Variants in ZFP37 observed in about 807,000 individuals in gnomAD.
The protein encoded by ZFP37 is ZFP37 zinc finger protein.
ZFP37 carries 38 observed loss-of-function variants against 52.1 expected under a neutral mutation model. That is an observed-to-expected ratio of 0.73 (90% CI 0.56 to 0.96). The LOEUF is 0.96. Among genes scored for constraint, ZFP37 ranks in the 40% least tolerant of loss-of-function variants. ZFP37 has a pLI of 0.00. For synonymous variants in ZFP37, 253 were observed against 259.5 expected (o/e 0.98, Z 0.24); for missense variants, 695 against 741.4 (o/e 0.94, Z 0.73).
At chr9:113,049,254 C>T in intron 3 of ZFP37, 108 bp downstream of exon 3, 2 of 1,236,900 alleles carry the variant, frequency 1.6e-6, no homozygotes, top group African/African-American at 1.5e-5. Context: ...CTCAGGAAAT[C>T]CTGATTTTTT....
chr9:113,055,604 C>A (rs375240014), intron 1 of ZFP37, among the ~76,000 whole-genome samples: 7 of 152,158 alleles, frequency 4.6e-5, no homozygotes, highest in African/African-American at 1.7e-4. Flanking sequence ...ACTGTTCCTG[C>A]AAGTTTTCAA....
rs1190051522 is a variant in ZFP37 at position 113,044,029 on chromosome 9, A to G, written c.589T>C (p.Cys197Arg). Reference sequence around the variant, plus strand: ...GCTGCATCAGATTTCCTTTTTACACAGTTTCTTGAGTGATCAGGTAAATCT... The same window carrying G: ...GCTGCATCAGATTTCCTTTTTACACGGTTTCTTGAGTGATCAGGTAAATCT... ...NLDLPDHSRN[C>R]VKRKSDAAKE... The change falls in exon 4 of 4, where the codon TGT becomes CGT. Residue 197 changes from cysteine to arginine, a missense_variant. Cys to Arg is a radical substitution (Grantham distance 180). Transcript: ENST00000374227. 1.2e-6 allele frequency: 2 copies of G among 1,613,248 alleles called. No homozygotes were observed. The highest frequency in any genetic ancestry group is 2.2e-5 in the South Asian group (2 of 90,774).
chr9:113,050,454 G>T (rs945080820), intron 1 of ZFP37, among the ~76,000 whole-genome samples: 1 of 106,382 alleles, frequency 9.4e-6, no homozygotes, highest in Non-Finnish European at 1.8e-5. Flanking sequence ...ATATCGGAGA[G>T]AAAGACAAAT....
rs372128707 is a variant in ZFP37 at position 113,043,095 on chromosome 9, A to T, written c.1523T>A (p.Met508Lys). 1.2e-6 allele frequency: 2 copies of T among 1,613,622 alleles called. No individual in the cohort carries two copies. Among genetic ancestry groups the T allele is most frequent in the Middle Eastern group, 1.7e-4 (1 of 6,058 alleles). ...FGHSSSLTYH[M>K]RTHTGESPFE... ...GGGACTTTCACCTGTATGAGTTCTC[A>T]TATGGTAAGTAAGAGATGAGCTATG... Residue 508 changes from methionine (M) to lysine (K), a missense_variant, in exon 4 of 4, where the codon ATG (methionine) becomes AAG (lysine). Met to Lys is a moderately conservative substitution (Grantham distance 95). Coordinates refer to ENST00000374227, the MANE Select transcript of ZFP37 (RefSeq NM_003408.3).
At chr9:113,049,702 C>G (rs563944557) in intron 2 of ZFP37, 89 bp downstream of exon 2, 6 of 1,534,984 alleles carry the variant, frequency 3.9e-6, no homozygotes, top group Non-Finnish European at 5.3e-6. Flanking sequence ...GCCCTTTGAC[C>G]CACAAAAATG....
At position 113,047,597 on chromosome 9, in the gene ZFP37, A is replaced by AG. The variant is rs145276485; in HGVS notation, c.349+1764dup. Among the ~76,000 whole-genome samples, 895 of 152,272 alleles carry AG rather than the reference A, an allele frequency of 5.9e-3. 14 individuals carry two copies. Among genetic ancestry groups the AG allele is most frequent in the African/African-American group, 0.021 (871 of 41,542 alleles). On this transcript the variant is annotated intron_variant, in intron 3 of 3. Transcript: ENST00000374227. ...AGACCCTGTCTCTATGAAAAAAAAGAGAAAAAATTAGGGAAAAAAATGGAT... is the reference window on the plus strand; with the variant it reads ...AGACCCTGTCTCTATGAAAAAAAAGAGGAAAAAATTAGGGAAAAAAATGGAT...
chr9:113,056,561 G>T lies in ZFP37; in HGVS notation c.128C>A (p.Ala43Asp). The change falls in exon 1 of 4, where the codon GCC becomes GAC. Residue 43 changes from alanine to aspartate, a missense_variant. Coordinates refer to ENST00000374227, the MANE Select transcript of ZFP37 (RefSeq NM_003408.3). ...CTGTCTCATCACAGCTCTCACCGCGGCGCTGGCCTCGGGCTCGGACACAGC... is the reference window on the plus strand; with the variant it reads ...CTGTCTCATCACAGCTCTCACCGCGTCGCTGGCCTCGGGCTCGGACACAGC... ...EMAVSEPEAS[A>D]AEWKQLDPAQ... 1.2e-6 allele frequency: 2 copies of T among 1,613,454 alleles called. No homozygotes were observed. Among genetic ancestry groups the T allele is most frequent in the Non-Finnish European group, 1.7e-6 (2 of 1,179,922 alleles).
intron 3 of ZFP37, among the ~76,000 whole-genome samples, chr9:113,045,480 G>A (rs1215061872): frequency 6.6e-6 from 1 of 152,044 alleles, no homozygotes; most frequent in East Asian, 1.9e-4. Flanking sequence ...TTCTTTTCAG[G>A]TCTTTCTAAT....
chr9:113,043,434 T>A lies in ZFP37; in HGVS notation c.1184A>T (p.His395Leu), dbSNP rs766846414. ...TFRHSSNLIQ[H>L]VRSHTGEKPY... is the part of the protein sequence containing the mutation. ...CTTCTCACCTGTGTGAGATCTCACA[T>A]GTTGAATAAGGTTTGAGCTGTGTCT... The change falls in exon 4 of 4, where the codon CAT becomes CTT. Residue 395 changes from histidine (H) to leucine (L), a missense_variant. His to Leu is a moderately conservative substitution (Grantham distance 99). Around this residue, in one of 2 missense-constraint regions of ZFP37, gnomAD observed 326 missense variants for 400.5 expected, o/e 0.81. Coordinates refer to ENST00000374227, the MANE Select transcript of ZFP37 (RefSeq NM_003408.3). 1 of 1,614,126 alleles carries A rather than the reference T, an allele frequency of 6.2e-7. No homozygotes were observed. The highest frequency in any genetic ancestry group is 8.5e-7 in the Non-Finnish European group (1 of 1,179,972).
In ZFP37 at chr9:113,043,802, C is replaced by T. The variant is rs779100806; in HGVS notation, c.816G>A (p.Glu272=). The T allele has an allele frequency of 2.5e-6, 4 of 1,613,992 alleles. 1 individual carries two copies. The South Asian group carries it at 3.3e-5, about 13-fold the overall frequency. Reference sequence around the variant, plus strand: ...TAGATGAGCTAAGGCTGGGTGATTTCTCATGTTTCTCTCCAGTTTGAATTT... The same window carrying T: ...TAGATGAGCTAAGGCTGGGTGATTTTTCATGTTTCTCTCCAGTTTGAATTT... ...QDKIQTGEKH[E]KSPSLSSSTK... The change falls in exon 4 of 4, where the codon GAG becomes GAA. Residue 272 remains glutamate (E), a synonymous_variant. Transcript: ENST00000374227.
chr9:113,047,004 G>A (rs1828969184), intron 3 of ZFP37, among the ~76,000 whole-genome samples: 5 of 151,956 alleles, frequency 3.3e-5, no homozygotes, highest in African/African-American at 1.2e-4. Flanking sequence ...AGCTACTTGG[G>A]AGGCTGAGGC....
rs1473495619 is a variant in ZFP37 at position 113,049,495 on chromosome 9, C to A, written c.216G>T (p.Gly72=). The change falls in exon 3 of 4, where the codon GGG becomes GGT. Residue 72 remains glycine (G), a splice_region_variant and synonymous_variant. Transcript: ENST00000374227. ...TCATGTCTGGTTTGGGAGCTTGACA[C>A]CCTGCTCATGAGAAATAGCAGAAAC... is the stretch of plus-strand genomic sequence containing the variant. ...LENYCNQASM[G]CQAPKPDMIS... 2.5e-6 allele frequency: 4 copies of A among 1,611,816 alleles called. No individual in the cohort carries two copies. The highest frequency in any genetic ancestry group is 3.4e-6 in the Non-Finnish European group (4 of 1,178,734).
rs879197086 is a variant in ZFP37 at position 113,043,412 on chromosome 9, C to T, written c.1206G>A (p.Glu402=). Residue 402 remains glutamate, a synonymous_variant, in exon 4 of 4, where the codon GAG becomes GAA. Coordinates refer to ENST00000374227, the MANE Select transcript of ZFP37 (RefSeq NM_003408.3). ...LIQHVRSHTG[E]KPYECKECGK... Reference sequence around the variant, plus strand: ...CACATTCCTTACATTCATATGGCTTCTCACCTGTGTGAGATCTCACATGTT... The same window carrying T: ...CACATTCCTTACATTCATATGGCTTTTCACCTGTGTGAGATCTCACATGTT... 1 of 1,614,084 alleles carries T rather than the reference C, an allele frequency of 6.2e-7. No individual in the cohort carries two copies. The highest frequency in any genetic ancestry group is 8.5e-7 in the Non-Finnish European group (1 of 1,179,984).
chr9:113,056,592 C>G lies in ZFP37; in HGVS notation c.97G>C (p.Glu33Gln). The stretch of plus-strand genomic sequence containing the variant: ...GCCTCGGGCTCGGACACAGCCATCT[C>G]CAGTGGTCGCCCGGCCTCTTTGGTC... Reference protein sequence around the residue: ...ETTKEAGRPLEMAVSEPEASA... With the variant: ...ETTKEAGRPLQMAVSEPEASA... Residue 33 changes from glutamate to glutamine, a missense_variant, in exon 1 of 4, where the codon GAG becomes CAG. Physicochemically the swap from Glu to Gln is conservative, Grantham distance 29. This residue lies in a region of ZFP37 where 369 missense variants were observed against 340.9 expected (regional missense o/e 1.08). Transcript: ENST00000374227. 1.2e-6 allele frequency: 2 copies of G among 1,613,970 alleles called. No homozygotes were observed. The highest frequency in any genetic ancestry group is 1.7e-6 in the Non-Finnish European group (2 of 1,180,036).
intron 1 of ZFP37, among the ~76,000 whole-genome samples, chr9:113,053,373 CT>C (rs1235983458): frequency 6.6e-6 from 1 of 152,162 alleles, no homozygotes; most frequent in Non-Finnish European, 1.5e-5. Context: ...CTGTACTCAC[CT>C]GTCAAAGCCT....
Position 113,040,149 on chromosome 9 carries a change from T to A in ZFP37, c.*2576A>T, listed in dbSNP as rs1462504266. 2 of 152,366 alleles carry A rather than the reference T, an allele frequency of 1.3e-5. No homozygotes were observed. Among genetic ancestry groups the A allele is most frequent in the East Asian group, 3.9e-4 (2 of 5,192 alleles). 9.4% of individuals were successfully genotyped at this position (152,366 alleles called of 1,614,324 possible). A position where few individuals can be genotyped will look rare whatever the true frequency, so the allele number is the denominator to read the frequency against. On this transcript the variant is annotated 3_prime_UTR_variant, in exon 4 of 4. Coordinates refer to ENST00000374227, the MANE Select transcript of ZFP37 (RefSeq NM_003408.3). ...ACATCCTTTCCTCATTCATCAATGCTAACTTTTAATTCATTTTATTACTGC... is the reference window on the plus strand; with the variant it reads ...ACATCCTTTCCTCATTCATCAATGCAAACTTTTAATTCATTTTATTACTGC...
At position 113,043,130 on chromosome 9, in the gene ZFP37, T is replaced by A; in HGVS notation, c.1488A>T (p.Lys496Asn). 2.5e-6 allele frequency: 4 copies of A among 1,613,746 alleles called. No individual in the cohort carries two copies. The highest frequency in any genetic ancestry group is 3.4e-6 in the Non-Finnish European group (4 of 1,179,940). ...TAAGAGATGAGCTATGTCCAAAGGC[T>A]TTTCCACACTCATTACATTTATAAG... ...EKPYKCNECGKAFGHSSSLTY... is the reference protein window; with the variant it reads ...EKPYKCNECGNAFGHSSSLTY... The change falls in exon 4 of 4, where the codon AAA becomes AAT. Residue 496 changes from lysine to asparagine, a missense_variant. This residue lies in a region of ZFP37 where 326 missense variants were observed against 400.5 expected (regional missense o/e 0.81). Transcript: ENST00000374227.
At position 113,042,875 on chromosome 9, in the gene ZFP37, G is replaced by A. The variant is rs1828871932; in HGVS notation, c.1743C>T (p.Ala581=). 6.2e-7 allele frequency: 1 copy of A among 1,613,720 alleles called. No homozygotes were observed. The highest frequency in any genetic ancestry group is 8.5e-7 in the Non-Finnish European group (1 of 1,179,908). ...TAACAAGCTGTGATTTTGCATTAAAGGCTTTTTCACATTCGTTACATTCAT... is the reference window on the plus strand; with the variant it reads ...TAACAAGCTGTGATTTTGCATTAAAAGCTTTTTCACATTCGTTACATTCAT... The part of the protein sequence containing the change: ...KPYECNECEK[A]FNAKSQLVIH... Residue 581 remains alanine (A), a synonymous_variant, in exon 4 of 4, where the codon GCC becomes GCT. Coordinates refer to ENST00000374227, the MANE Select transcript of ZFP37 (RefSeq NM_003408.3).
intron 3 of ZFP37, among the ~76,000 whole-genome samples, chr9:113,047,336 T>C (rs1206467804): frequency 6.6e-6 from 1 of 152,196 alleles, no homozygotes; most frequent in Non-Finnish European, 1.5e-5. Context: ...ATTCATACAG[T>C]CTTGGACAAT....
Sources: gnomAD v4.1 joint callset for allele counts (sites outside exome capture counted in the v4.1 genomes callset) on GRCh38, gnomAD v4.1.1 for gene constraint, gnomAD v4.1.1 regional missense constraint, MANE v1.5 for transcripts, NCBI Gene and HGNC (gene_info 2026-07-23, HGNC 2026-07-21) for gene names.